The following SOX6 variants were observed in gnomAD, a reference collection of about 807,000 sequenced individuals.
The protein encoded by SOX6 is transcription factor SOX-6.
A neutral mutation model predicts 97.8 loss-of-function variants in SOX6; 11 were observed. The ratio of observed to expected loss-of-function variants is 0.11; its 90% CI spans 0.07 to 0.19. SOX6 has a LOEUF of 0.19. Ranked by LOEUF, SOX6 falls within the 10% of genes least tolerant of loss-of-function variation. SOX6 has a pLI of 1.00. For synonymous variants in SOX6, 360 were observed against 371.4 expected (o/e 0.97, Z 0.35); for missense variants, 810 against 1,039.5 (o/e 0.78, Z 3.04).
rs1482775715 is a variant in SOX6, at chr11:15,967,829, G to A, written c.*4980C>T. 6 of 152,234 alleles carry A rather than the reference G, an allele frequency of 3.9e-5. No homozygotes were observed. Among genetic ancestry groups the A allele is most frequent in the South Asian group, 2.1e-4 (1 of 4,824 alleles). The allele number at this position is 152,234 out of a possible 1,614,324, so 9.4% of individuals were successfully genotyped here. On this transcript the variant is annotated 3_prime_UTR_variant, in exon 16 of 16. Transcript: ENST00000683767. ...ATATGTCACTGAGTTTTCTTCAAGCGTTCATATTGCCATGGACACTGATTA... is the reference window on the plus strand; with the variant it reads ...ATATGTCACTGAGTTTTCTTCAAGCATTCATATTGCCATGGACACTGATTA...
chr11:16,036,245 C>T (rs1189495507), intron 12 of SOX6, among the ~76,000 whole-genome samples: 1 of 151,868 alleles, frequency 6.6e-6, no homozygotes, highest in African/African-American at 2.4e-5. Flanking sequence ...AGGCCCAGCT[C>T]ATTTTGTATT....
chr11:16,706,885 C>G (rs117672154), intron 3 of SOX6, among the ~76,000 whole-genome samples: 1 of 151,978 alleles, frequency 6.6e-6, no homozygotes. Flanking sequence ...CACATTGACT[C>G]TTTGTCATGT....
intron 4 of SOX6, among the ~76,000 whole-genome samples, chr11:16,569,031 G>T (rs551404842): frequency 6.3e-4 from 96 of 152,286 alleles, no homozygotes; most frequent in African/African-American, 2.2e-3. Flanking sequence ...ATGCAAGGTG[G>T]ATCAGCATGT....
rs1409168663 is a variant in SOX6 at position 16,233,309 on chromosome 11, C to A, written c.535+1273G>T. 3.9e-5 allele frequency among the ~76,000 whole-genome samples: 6 copies of A among 152,112 alleles called. No individual in the cohort carries two copies. In the East Asian group the frequency reaches 1.2e-3, roughly 29 times the overall value. ...GTGATCATGAATTTCATTCATAATG[C>A]AAAAATAATAATAATACAGCACTTC... On this transcript the variant is annotated intron_variant, in intron 4 of 15. Coordinates refer to ENST00000683767, the MANE Select transcript of SOX6 (RefSeq NM_001367873.1).
intron 1 of SOX6, among the ~76,000 whole-genome samples, chr11:16,370,291 T>C (rs1226100366): frequency 6.6e-6 from 1 of 152,168 alleles, no homozygotes; most frequent in Non-Finnish European, 1.5e-5. Context: ...CCAATGCCTA[T>C]GTAACAAATT....
chr11:16,205,881 T>A (rs1852058683), intron 4 of SOX6, among the ~76,000 whole-genome samples: 1 of 152,124 alleles, frequency 6.6e-6, no homozygotes, highest in African/African-American at 2.4e-5. Context: ...TTTACCTGCC[T>A]GTAATATGAG....
At chr11:16,574,716 C>T (rs1029852307) in intron 4 of SOX6, among the ~76,000 whole-genome samples, 2 of 151,968 alleles carry the variant, frequency 1.3e-5, no homozygotes, top group African/African-American at 2.4e-5. Flanking sequence ...AGTTCATATA[C>T]AGAATTGTAT....
At chr11:16,292,640 A>G (rs978153965) in intron 3 of SOX6, among the ~76,000 whole-genome samples, 2 of 152,186 alleles carry the variant, frequency 1.3e-5, no homozygotes, top group African/African-American at 4.8e-5. Flanking sequence ...AAAACTCAAC[A>G]TATGTCCAAG....
intron 1 of SOX6, among the ~76,000 whole-genome samples, chr11:16,377,949 C>T (rs1355746082): frequency 1.3e-5 from 2 of 152,096 alleles, no homozygotes; most frequent in East Asian, 1.9e-4. Flanking sequence ...TTGGTGCATG[C>T]TTTCAGGAAG....
chr11:16,684,747 A>G (rs1847955757), intron 3 of SOX6, among the ~76,000 whole-genome samples: 1 of 152,144 alleles, frequency 6.6e-6, no homozygotes, highest in African/African-American at 2.4e-5. Flanking sequence ...ATAAATAAAT[A>G]AAATAAAAGT....
At position 16,099,664 on chromosome 11, in the gene SOX6, A is replaced by G. The variant is rs12808081; in HGVS notation, c.899-1976T>C. On this transcript the variant is annotated intron_variant, in intron 7 of 15. Transcript: ENST00000683767. ...AAACTCTAAAAGAATTCCCTGGGGC[A>G]CTCCTTTTTTCATAGCTGTCATGCT... 6.5e-3 allele frequency among the ~76,000 whole-genome samples: 969 copies of G among 149,788 alleles called. 5 individuals are homozygous for G. The highest frequency in any genetic ancestry group is 0.012 in the South Asian group (57 of 4,768).
chr11:16,729,922 G>A (rs957648523), intron 2 of SOX6, among the ~76,000 whole-genome samples: 8 of 151,654 alleles, frequency 5.3e-5, no homozygotes, highest in African/African-American at 1.9e-4. Context: ...GTTGCAATCC[G>A]AGTCTCTGAT....
intron 1 of SOX6, among the ~76,000 whole-genome samples, chr11:16,443,807 G>T (rs1859557540): frequency 6.6e-6 from 1 of 152,016 alleles, no homozygotes; most frequent in Admixed American, 6.6e-5. Context: ...GAGGTCAAGA[G>T]ATCAAGACCA....
At chr11:16,649,096 A>G (rs1849055261) in intron 3 of SOX6, among the ~76,000 whole-genome samples, 1 of 152,176 alleles carries the variant, frequency 6.6e-6, no homozygotes, top group South Asian at 2.1e-4. Flanking sequence ...AAAAAAGAAC[A>G]AAGCCTCCAA....
intron 1 of SOX6, among the ~76,000 whole-genome samples, chr11:16,450,928 T>C (rs1166352935): frequency 6.6e-6 from 1 of 152,066 alleles, no homozygotes; most frequent in Non-Finnish European, 1.5e-5. Flanking sequence ...AGAACAAAAT[T>C]TACTTGTTTA....
At chr11:16,343,960 G>A (rs757374626) in intron 1 of SOX6, among the ~76,000 whole-genome samples, 5 of 151,858 alleles carry the variant, frequency 3.3e-5, no homozygotes, top group East Asian at 1.9e-4. Context: ...TCACACTATC[G>A]TTAGAGGAAA....
intron 3 of SOX6, among the ~76,000 whole-genome samples, chr11:16,271,137 AT>A (rs1441501174): frequency 6.6e-6 from 1 of 151,300 alleles, no homozygotes; most frequent in Non-Finnish European, 1.5e-5. Flanking sequence ...CATTTTGGAG[AT>A]TATTCCAAGA....
intron 1 of SOX6, among the ~76,000 whole-genome samples, chr11:16,344,852 C>T (rs745645875): frequency 6.6e-6 from 1 of 151,314 alleles, no homozygotes. Flanking sequence ...CTAGTTATAC[C>T]CCCTGAAAAC....
At chr11:16,070,362 T>C (rs1848195467) in intron 9 of SOX6, among the ~76,000 whole-genome samples, 1 of 151,876 alleles carries the variant, frequency 6.6e-6, no homozygotes, top group African/African-American at 2.4e-5. Flanking sequence ...GGTCCTACCC[T>C]TACACTAAGA....
Sources: allele counts gnomAD v4.1 joint callset (sites outside exome capture counted in the v4.1 genomes callset), GRCh38; gene constraint gnomAD v4.1.1; transcripts MANE v1.5; gene names NCBI Gene and HGNC (gene_info 2026-07-23, HGNC 2026-07-21).